The following IPMK variants were observed in gnomAD, a reference collection of about 807,000 sequenced individuals.
The protein encoded by IPMK is inositol polyphosphate multikinase, also known as inositol 1,3,4,6-tetrakisphosphate 5-kinase.
IPMK carries 17 observed loss-of-function variants against 45.8 expected under a neutral mutation model. The ratio of observed to expected loss-of-function variants is 0.37; its 90% CI spans 0.25 to 0.56. The LOEUF is 0.56. Among genes scored for constraint, IPMK ranks in the 20% least tolerant of loss-of-function variants. IPMK has a pLI of 0.79. For synonymous variants in IPMK, 180 were observed against 184.3 expected (o/e 0.98, Z 0.19); for missense variants, 399 against 498.0 (o/e 0.80, Z 1.89).
At chr10:58,206,069 T>A (rs1042055504) in intron 4 of IPMK, among the ~76,000 whole-genome samples, 1 of 152,188 alleles carries the variant, frequency 6.6e-6, no homozygotes, top group East Asian at 1.9e-4. Flanking sequence ...AATGAATGAA[T>A]GGATAAACAA....
At chr10:58,208,090 G>A (rs1324006877) in intron 4 of IPMK, among the ~76,000 whole-genome samples, 2 of 151,970 alleles carry the variant, frequency 1.3e-5, no homozygotes, top group African/African-American at 4.8e-5. Context: ...ACAGGCGCCC[G>A]CCACCACGCC....
chr10:58,196,871 T>C (rs988869747), intron 5 of IPMK, among the ~76,000 whole-genome samples, 173 bp from the exon 6 acceptor site: 1 of 152,210 alleles, frequency 6.6e-6, no homozygotes, highest in Non-Finnish European at 1.5e-5. Flanking sequence ...TGACCTCAGC[T>C]TGATTTTTGG....
chr10:58,233,287 T>C (rs1233906072), intron 2 of IPMK, among the ~76,000 whole-genome samples: 1 of 151,886 alleles, frequency 6.6e-6, no homozygotes, highest in Non-Finnish European at 1.5e-5. Flanking sequence ...TTCCAATCAA[T>C]AGAAAAAGAG....
At chr10:58,230,433 C>A (rs1398226163) in intron 2 of IPMK, among the ~76,000 whole-genome samples, 1 of 152,140 alleles carries the variant, frequency 6.6e-6, no homozygotes, top group Non-Finnish European at 1.5e-5. Flanking sequence ...AGGCGGCTGC[C>A]CCTCTCGGAC....
rs1029067926 is a variant in IPMK, at chr10:58,191,998, T to G, written c.*4078A>C. 6.6e-6 allele frequency: 1 copy of G among 152,074 alleles called. No individual in the cohort carries two copies. The highest frequency in any genetic ancestry group is 1.5e-5 in the Non-Finnish European group (1 of 67,932). 9.4% of individuals were successfully genotyped at this position (152,074 alleles called of 1,614,324 possible). A position where few individuals can be genotyped will look rare whatever the true frequency, so the allele number is the denominator to read the frequency against. On this transcript the variant is annotated 3_prime_UTR_variant, in exon 6 of 6. Transcript: ENST00000373935. Reference sequence around the variant, plus strand: ...AGTAGGTAAAAAATTTAAACTTTGATGACAAAATCTAAAATTAAAGAAAAG... The same window carrying G: ...AGTAGGTAAAAAATTTAAACTTTGAGGACAAAATCTAAAATTAAAGAAAAG...
chr10:58,201,426 TG>T (rs1187847909), intron 4 of IPMK, among the ~76,000 whole-genome samples: 1 of 152,204 alleles, frequency 6.6e-6, no homozygotes, highest in Non-Finnish European at 1.5e-5. Context: ...TAGTGATCTT[TG>T]ATGTTACTCC....
chr10:58,226,998 C>T, intron 3 of IPMK, 45 bp downstream of exon 3: 1 of 1,318,384 alleles, frequency 7.6e-7, no homozygotes, highest in South Asian at 1.2e-5. Flanking sequence ...AAAGAAGCTA[C>T]ACTCATGAAT....
At chr10:58,261,333 G>A (rs761155543) in intron 1 of IPMK, among the ~76,000 whole-genome samples, 1 of 151,816 alleles carries the variant, frequency 6.6e-6, no homozygotes, top group Non-Finnish European at 1.5e-5. Flanking sequence ...AAGAGATGCT[G>A]AGGAGTGGAT....
intron 1 of IPMK, among the ~76,000 whole-genome samples, chr10:58,239,494 G>C (rs1174097996): frequency 6.6e-6 from 1 of 152,168 alleles, no homozygotes; most frequent in African/African-American, 2.4e-5. Flanking sequence ...CTAGATACAG[G>C]TGATCTTCCC....
chr10:58,267,038 A>T (rs932919534), intron 1 of IPMK, among the ~76,000 whole-genome samples: 1 of 152,236 alleles, frequency 6.6e-6, no homozygotes, highest in Non-Finnish European at 1.5e-5. Context: ...TTTCTTTTGC[A>T]ATAGCTACTC....
chr10:58,247,522 G>T (rs1170687719), intron 1 of IPMK, among the ~76,000 whole-genome samples: 2 of 151,636 alleles, frequency 1.3e-5, no homozygotes, highest in Non-Finnish European at 2.9e-5. Flanking sequence ...GGATGAAATT[G>T]GAAATCATCA....
chr10:58,244,452 A>C (rs150555338), intron 1 of IPMK, among the ~76,000 whole-genome samples: 1 of 59,406 alleles, frequency 1.7e-5, no homozygotes, highest in African/African-American at 1.6e-4. Context: ...GGTGAGGAGC[A>C]CCTCTGCCCG....
chr10:58,239,597 C>G (rs1838666509), intron 1 of IPMK, among the ~76,000 whole-genome samples: 1 of 152,126 alleles, frequency 6.6e-6, no homozygotes, highest in Admixed American at 6.5e-5. Flanking sequence ...CTGTAATAAT[C>G]CCAACACAAA....
chr10:58,199,995 G>T (rs1356170313), intron 4 of IPMK, among the ~76,000 whole-genome samples: 1 of 152,056 alleles, frequency 6.6e-6, no homozygotes, highest in Non-Finnish European at 1.5e-5. Context: ...TGTAAAAGAA[G>T]ATATCTTTAA....
intron 1 of IPMK, among the ~76,000 whole-genome samples, chr10:58,261,803 A>G (rs1588974908): frequency 6.6e-6 from 1 of 152,094 alleles, no homozygotes; most frequent in African/African-American, 2.4e-5. Context: ...GCTGGTCTCA[A>G]CCTCCTGGCC....
chr10:58,234,927 G>A (rs1838585094), intron 2 of IPMK, among the ~76,000 whole-genome samples: 1 of 151,944 alleles, frequency 6.6e-6, no homozygotes, highest in Admixed American at 6.6e-5. Context: ...TCTGACAAAG[G>A]GCTAATATCC....
At chr10:58,238,321 T>C (rs1299212490) in intron 1 of IPMK, among the ~76,000 whole-genome samples, 1 of 152,214 alleles carries the variant, frequency 6.6e-6, no homozygotes, top group Non-Finnish European at 1.5e-5. Context: ...TATACAACTG[T>C]ATAGATAGTA....
chr10:58,253,790 G>C (rs1319844816), intron 1 of IPMK, among the ~76,000 whole-genome samples: 1 of 151,288 alleles, frequency 6.6e-6, no homozygotes, highest in Non-Finnish European at 1.5e-5. Context: ...GCTTTACTGG[G>C]TACAATAGTC....
chr10:58,217,741 A>T (rs1019995326), intron 3 of IPMK, among the ~76,000 whole-genome samples: 1 of 150,900 alleles, frequency 6.6e-6, no homozygotes, highest in African/African-American at 2.4e-5. Flanking sequence ...TGAGATCATG[A>T]CTCATTTTTT....
Sources: gnomAD v4.1 joint callset for allele counts (sites outside exome capture counted in the v4.1 genomes callset) on GRCh38, gnomAD v4.1.1 for gene constraint, MANE v1.5 for transcripts, NCBI Gene and HGNC (gene_info 2026-07-23, HGNC 2026-07-21) for gene names.